CHLSN: variants seen among roughly 807,000 people sequenced by gnomAD.
CHLSN encodes the protein cholesin.
the CHLSN span, among the ~76,000 whole-genome samples, chr7:1,031,391 C>CA: frequency 2.7e-5 from 2 of 74,206 alleles, no homozygotes; most frequent in African/African-American, 2.0e-4. Flanking sequence ...CAGAGTGGTC[C>CA]GGGGGGGCAG....
the CHLSN span, chr7:1,021,637 C>G: frequency 1.1e-6 from 1 of 946,510 alleles, no homozygotes. Flanking sequence ...GTGTGACTGG[C>G]TTTGCTGCCA....
the CHLSN span, chr7:988,364 C>T: frequency 6.2e-7 from 1 of 1,612,702 alleles, no homozygotes; most frequent in Admixed American, 1.7e-5. Flanking sequence ...CGGCCATTTC[C>T]TGGACGCGAA....
chr7:1,092,914 G>A, the CHLSN span: 3 of 1,496,742 alleles, frequency 2.0e-6, no homozygotes, highest in Non-Finnish European at 2.8e-6. Context: ...ACACACCTGG[G>A]TGGACACAAG....
At chr7:1,058,054 A>G in the CHLSN span, 1 of 768,414 alleles carries the variant, frequency 1.3e-6, no homozygotes, top group African/African-American at 1.7e-5. Flanking sequence ...GAGTGCGCCA[A>G]GATGCAGAAC....
At chr7:1,061,348 C>T in the CHLSN span, among the ~76,000 whole-genome samples, 10,693 of 152,156 alleles carry the variant, frequency 0.07, 418 homozygotes, top group Admixed American at 0.11. Flanking sequence ...ATGCCTCCAG[C>T]GCAGACCCTC....
chr7:982,774 C>T, the CHLSN span, among the ~76,000 whole-genome samples: 1 of 152,226 alleles, frequency 6.6e-6, no homozygotes, highest in Non-Finnish European at 1.5e-5. Flanking sequence ...AAACCCTGAG[C>T]TCCACAGGGT....
At chr7:1,030,149 G>A in the CHLSN span, among the ~76,000 whole-genome samples, 3 of 152,180 alleles carry the variant, frequency 2.0e-5, no homozygotes. Context: ...GAATGCGCCA[G>A]CCCACACAGT....
the CHLSN span, among the ~76,000 whole-genome samples, chr7:979,827 C>T: frequency 6.6e-6 from 1 of 152,172 alleles, no homozygotes; most frequent in Non-Finnish European, 1.5e-5. Flanking sequence ...GGGGCGCGCC[C>T]AGTCACTGAG....
chr7:1,012,134 C>G, the CHLSN span, among the ~76,000 whole-genome samples: 2 of 152,286 alleles, frequency 1.3e-5, no homozygotes. Context: ...CCTCGGCCCC[C>G]ACTCCATGGG....
chr7:1,074,466 G>C, the CHLSN span: 1 of 151,774 alleles, frequency 6.6e-6, no homozygotes, highest in Non-Finnish European at 1.5e-5. Context: ...CGGAACCCAG[G>C]GGACAGGACT....
the CHLSN span, among the ~76,000 whole-genome samples, chr7:1,131,452 C>A: frequency 6.6e-6 from 1 of 152,188 alleles, no homozygotes. Flanking sequence ...AAGGGTTCCC[C>A]CCATCCCACT....
chr7:1,024,255 C>T, the CHLSN span, among the ~76,000 whole-genome samples: 5 of 152,318 alleles, frequency 3.3e-5, no homozygotes, highest in African/African-American at 9.6e-5. Context: ...TCCCTACTCC[C>T]GCCTGCAGGA....
chr7:1,123,842 G>A, the CHLSN span, among the ~76,000 whole-genome samples: 10 of 151,956 alleles, frequency 6.6e-5, no homozygotes, highest in Admixed American at 2.0e-4. This position sits in a 1 kb window ranked among gnomAD's most constrained non-coding sequence, Gnocchi z 4.4. Flanking sequence ...CGGAAGGAAC[G>A]TGCTGCCGAC....
the CHLSN span, among the ~76,000 whole-genome samples, chr7:1,053,554 A>G: frequency 5.1e-4 from 77 of 152,328 alleles, 1 homozygote; most frequent in African/African-American, 1.6e-3. Context: ...CTCGCTGGGC[A>G]TGGTGGCTCA....
the CHLSN span, among the ~76,000 whole-genome samples, chr7:1,131,685 G>C: frequency 3.9e-5 from 6 of 152,184 alleles, no homozygotes; most frequent in Non-Finnish European, 8.8e-5. Flanking sequence ...ATTACCTTGT[G>C]AGAGAAATAA....
the CHLSN span, among the ~76,000 whole-genome samples, chr7:1,072,866 T>G: frequency 2.0e-5 from 3 of 151,914 alleles, no homozygotes; most frequent in African/African-American, 2.4e-5. Flanking sequence ...GTATTTTTAG[T>G]AGAGATGGGA....
the CHLSN span, among the ~76,000 whole-genome samples, chr7:1,124,538 A>G: frequency 2.4e-5 from 3 of 123,924 alleles, no homozygotes; most frequent in African/African-American, 9.4e-5. Context: ...GGCTGTGAAG[A>G]AGGAGTGAGT....
the CHLSN span, among the ~76,000 whole-genome samples, chr7:1,070,843 C>T: frequency 7.9e-6 from 1 of 126,302 alleles, no homozygotes; most frequent in Non-Finnish European, 1.7e-5. Flanking sequence ...ACACACAACG[C>T]GTGCACACGG....
the CHLSN span, among the ~76,000 whole-genome samples, chr7:1,104,254 A>T: frequency 2.6e-5 from 4 of 152,222 alleles, no homozygotes; most frequent in East Asian, 7.7e-4. Context: ...TTTATTTACC[A>T]GCCTTTAAAA....
Sources: allele counts gnomAD v4.1 joint callset (sites outside exome capture counted in the v4.1 genomes callset), GRCh38; gene constraint gnomAD v4.1.1; non-coding constraint Gnocchi (gnomAD v3.1); transcripts MANE v1.5; gene names NCBI Gene and HGNC (gene_info 2026-07-23, HGNC 2026-07-21).